The following RELN variants were observed in gnomAD, a reference collection of about 807,000 sequenced individuals.
The protein encoded by RELN is reelin.
In RELN, 108 loss-of-function variants were observed where a neutral mutation model predicts 427.6. That is an observed-to-expected ratio of 0.25 (90% CI 0.22 to 0.30). The LOEUF is 0.30. Among genes scored for constraint, RELN ranks in the 10% least tolerant of loss-of-function variants. The pLI, the probability that RELN is intolerant of heterozygous loss-of-function variation, is 1.00. For missense variants in RELN, 3,715 were observed against 4,302.8 expected (o/e 0.86, Z 3.82); for synonymous variants, 1,524 against 1,513.4 (o/e 1.01, Z -0.16).
chr7:103,646,162 T>C (rs1271160515), intron 16 of RELN, among the ~76,000 whole-genome samples: 1 of 151,430 alleles, frequency 6.6e-6, no homozygotes, highest in Admixed American at 6.6e-5. Context: ...CTTAAATTCC[T>C]ACATAAAAAA....
At chr7:103,827,151 T>A (rs552526446) in intron 3 of RELN, among the ~76,000 whole-genome samples, 41 of 152,116 alleles carry the variant, frequency 2.7e-4, no homozygotes, top group African/African-American at 9.6e-4. Context: ...AACAGGTACA[T>A]CTTTGGACTG....
At chr7:103,748,287 C>A (rs1003406541) in intron 6 of RELN, among the ~76,000 whole-genome samples, 47 of 151,810 alleles carry the variant, frequency 3.1e-4, no homozygotes, top group African/African-American at 1.1e-3. Context: ...TTCTGGCTAG[C>A]CTGATAATAT....
intron 2 of RELN, among the ~76,000 whole-genome samples, chr7:103,845,363 G>C (rs978299289): frequency 2.0e-5 from 3 of 152,040 alleles, no homozygotes; most frequent in African/African-American, 7.2e-5. Context: ...TGTATTTTTA[G>C]AAAAGACAGC....
At chr7:103,683,329 A>T (rs1833693623) in intron 10 of RELN, among the ~76,000 whole-genome samples, 1 of 151,760 alleles carries the variant, frequency 6.6e-6, no homozygotes, top group Non-Finnish European at 1.5e-5. Flanking sequence ...TGTTTGTTAA[A>T]TAGTTCAACA....
At position 103,988,724 on chromosome 7, in the gene RELN, G is replaced by GC. The variant is rs951670162; in HGVS notation, c.226+406dup. On this transcript the variant is annotated intron_variant, in intron 1 of 64. Transcript: ENST00000428762. The surrounding 1 kb of genome is among the most constrained non-coding windows in gnomAD (Gnocchi z 4.9). ...GCAAAGCCCAGCGACAGCCCCCAACGCCCCCCCGGGGACCCATCTGGGGGG... is the reference window on the plus strand; with the variant it reads ...GCAAAGCCCAGCGACAGCCCCCAACGCCCCCCCCGGGGACCCATCTGGGGGG... Among the ~76,000 whole-genome samples the GC allele has an allele frequency of 3.3e-5, 5 of 152,102 alleles. No individual in the cohort carries two copies. Among genetic ancestry groups the GC allele is most frequent in the South Asian group, 2.1e-4 (1 of 4,812 alleles).
chr7:103,688,594 T>G (rs1391133314), intron 10 of RELN, among the ~76,000 whole-genome samples: 1 of 152,158 alleles, frequency 6.6e-6, no homozygotes, highest in Non-Finnish European at 1.5e-5. Context: ...TAACTTGTGT[T>G]AAGGCTAAAT....
intron 60 of RELN, among the ~76,000 whole-genome samples, chr7:103,488,238 T>C (rs1223602663): frequency 6.6e-6 from 1 of 152,216 alleles, no homozygotes; most frequent in African/African-American, 2.4e-5. Flanking sequence ...TGAACTGAAT[T>C]ACTGGCATTT....
intron 6 of RELN, among the ~76,000 whole-genome samples, chr7:103,739,452 A>C (rs1367478762): frequency 6.6e-6 from 1 of 152,194 alleles, no homozygotes; most frequent in Non-Finnish European, 1.5e-5. Context: ...TCAGTAGTGC[A>C]GCCACATTGA....
intron 1 of RELN, among the ~76,000 whole-genome samples, chr7:103,924,746 T>C (rs529491210): frequency 6.6e-6 from 1 of 152,142 alleles, no homozygotes; most frequent in South Asian, 2.1e-4. Flanking sequence ...TAAAAGGAAA[T>C]CCACTGAAAT....
At chr7:103,723,668 A>G (rs1790133107) in intron 7 of RELN, among the ~76,000 whole-genome samples, 1 of 152,202 alleles carries the variant, frequency 6.6e-6, no homozygotes, top group Non-Finnish European at 1.5e-5. Flanking sequence ...TACAATAGCT[A>G]AAGGTCATAG....
At chr7:103,913,582 C>T (rs1322814792) in intron 2 of RELN, among the ~76,000 whole-genome samples, 1 of 152,088 alleles carries the variant, frequency 6.6e-6, no homozygotes, top group Non-Finnish European at 1.5e-5. Context: ...GAAATTATGC[C>T]TTCTATAATT....
intron 2 of RELN, among the ~76,000 whole-genome samples, chr7:103,898,961 T>C (rs1391259202): frequency 2.0e-5 from 3 of 152,042 alleles, no homozygotes. Flanking sequence ...AATAAATCAA[T>C]TTAGTCATGA....
chr7:103,929,512 T>C (rs1467593268), intron 1 of RELN, among the ~76,000 whole-genome samples: 1 of 152,212 alleles, frequency 6.6e-6, no homozygotes, highest in Non-Finnish European at 1.5e-5. Flanking sequence ...TGGTTACATG[T>C]TCATCAACTG....
At chr7:103,920,784 G>A (rs1795601383) in intron 1 of RELN, among the ~76,000 whole-genome samples, 1 of 152,058 alleles carries the variant, frequency 6.6e-6, no homozygotes, top group African/African-American at 2.4e-5. Context: ...ATGTTGACCA[G>A]GCTGGTCTTG....
rs115279862 is a variant in RELN at position 103,849,750 on chromosome 7, G to A, written c.338-16078C>T. ...ATTTTACAGCCCTTGAGGTAAAGAT[G>A]GTTTTACATCTTAAAAATTTGTAAA... On this transcript the variant is annotated intron_variant, in intron 2 of 64. Coordinates refer to ENST00000428762, the MANE Select transcript of RELN (RefSeq NM_005045.4). 5.9e-3 allele frequency among the ~76,000 whole-genome samples: 892 copies of A among 152,160 alleles called. 7 individuals are homozygous for A. Among genetic ancestry groups the A allele is most frequent in the African/African-American group, 0.02 (820 of 41,508 alleles).
At chr7:103,578,916 G>A (rs1033040399) in intron 28 of RELN, among the ~76,000 whole-genome samples, 1 of 152,180 alleles carries the variant, frequency 6.6e-6, no homozygotes, top group South Asian at 2.1e-4. Context: ...AAGTAGCACT[G>A]CATATATTCT....
intron 24 of RELN, among the ~76,000 whole-genome samples, chr7:103,597,999 C>G (rs991696194): frequency 6.6e-6 from 1 of 152,072 alleles, no homozygotes; most frequent in African/African-American, 2.4e-5. Context: ...AATTAAAAGT[C>G]GGGAAGAAAA....
At chr7:103,656,830 A>T (rs977708836) in intron 12 of RELN, among the ~76,000 whole-genome samples, 1 of 152,098 alleles carries the variant, frequency 6.6e-6, no homozygotes, top group Non-Finnish European at 1.5e-5. Context: ...ACCATGCACC[A>T]TGTAAAATCA....
rs1380881882 is a variant in RELN, at chr7:103,732,638, C to T, written c.657-4431G>A. Among the ~76,000 whole-genome samples, 6 of 152,100 alleles carry T rather than the reference C, an allele frequency of 3.9e-5. No homozygotes were observed. In the South Asian group the frequency reaches 8.3e-4, roughly 21 times the overall value. ...TGAAAGACGAGATGAATTTTAAAAACTTATGGATATAAATAAACATTCAAA... is the reference window on the plus strand; with the variant it reads ...TGAAAGACGAGATGAATTTTAAAAATTTATGGATATAAATAAACATTCAAA... On this transcript the variant is annotated intron_variant, in intron 6 of 64. Transcript: ENST00000428762.
Sources: allele counts gnomAD v4.1 joint callset (sites outside exome capture counted in the v4.1 genomes callset), GRCh38; gene constraint gnomAD v4.1.1; non-coding constraint Gnocchi (gnomAD v3.1); transcripts MANE v1.5; gene names NCBI Gene and HGNC (gene_info 2026-07-23, HGNC 2026-07-21).